The following TIMM50 variants were observed in gnomAD, a reference collection of about 807,000 sequenced individuals.
TIMM50 encodes the protein mitochondrial import inner membrane translocase subunit TIM50.
A neutral mutation model predicts 49.6 loss-of-function variants in TIMM50; 34 were observed. The ratio of observed to expected loss-of-function variants is 0.69; its 90% CI spans 0.52 to 0.91. The LOEUF (loss-of-function observed/expected upper bound fraction) is 0.91, where lower values mean the gene tolerates loss of function less well. Ranked by LOEUF, TIMM50 falls within the 40% of genes least tolerant of loss-of-function variation. The probability of loss-of-function intolerance (pLI) is 0.00; values close to 1 mark genes in which losing one functional copy is unlikely to be tolerated. For synonymous variants in TIMM50, 199 were observed against 198.4 expected (o/e 1.00, Z -0.03); for missense variants, 458 against 477.8 (o/e 0.96, Z 0.39).
In TIMM50 at chr19:39,492,944, C is replaced by T. The variant is rs2079558166; in HGVS notation, c.*3124C>T. 1 of 150,766 alleles carries T rather than the reference C, an allele frequency of 6.6e-6. No homozygotes were observed. Among genetic ancestry groups the T allele is most frequent in the Non-Finnish European group, 1.5e-5 (1 of 67,820 alleles). 9.3% of individuals were successfully genotyped at this position (150,766 alleles called of 1,614,324 possible). On this transcript the variant is annotated 3_prime_UTR_variant, in exon 11 of 11. Transcript: ENST00000607714. ...CTCCCTCGCCCTGCCTCCATCCCCA[C>T]ATTGCCCCCCACTATCCCAGTCTCT...
chr19:39,492,888 A>AAAAAAC lies in TIMM50; in HGVS notation c.*3072_*3073insACAAAA, dbSNP rs1568445572. On this transcript the variant is annotated 3_prime_UTR_variant, in exon 11 of 11. Coordinates refer to ENST00000607714, the MANE Select transcript of TIMM50 (RefSeq NM_001001563.5). ...TCTGTCTCCAAAAAAAAAAAAAAAA[A>AAAAAAC]AAAACAAAAAAAAAACCAGTTTGAC... 1 of 145,166 alleles carries AAAAAAC rather than the reference A, an allele frequency of 6.9e-6. No homozygotes were observed. The highest frequency in any genetic ancestry group is 1.5e-5 in the Non-Finnish European group (1 of 67,278). 9.0% of individuals were successfully genotyped at this position (145,166 alleles called of 1,614,324 possible).
chr19:39,485,939 C>A, intron 6 of TIMM50, 132 bp downstream of exon 6: 1 of 1,387,104 alleles, frequency 7.2e-7, no homozygotes. Context: ...TCGCTTTCTT[C>A]AGCTGGGAGA....
intron 4 of TIMM50, among the ~76,000 whole-genome samples, chr19:39,483,711 C>T (rs2079487080): frequency 6.6e-6 from 1 of 152,178 alleles, no homozygotes. Context: ...CATGTTAATA[C>T]ATTGATTGTT....
intron 1 of TIMM50, chr19:39,481,423 C>G: frequency 8.5e-6 from 2 of 234,404 alleles, no homozygotes; most frequent in East Asian, 2.3e-4. Context: ...AAGCCCCAGA[C>G]AAGTGATTGC....
chr19:39,492,752 TC>T lies in TIMM50; in HGVS notation c.*2935del, dbSNP rs1186538108. On this transcript the variant is annotated 3_prime_UTR_variant, in exon 11 of 11. Coordinates refer to ENST00000607714, the MANE Select transcript of TIMM50 (RefSeq NM_001001563.5). ...TGGGCATGGTGGTGGGTGCCTGTAA[TC>T]CCAGCTACTTGGGAGGCTGAGGCAG... 1 of 150,244 alleles carries T rather than the reference TC, an allele frequency of 6.7e-6. No homozygotes were observed. Among genetic ancestry groups the T allele is most frequent in the East Asian group, 2.0e-4 (1 of 5,104 alleles). 9.3% of individuals were successfully genotyped at this position (150,244 alleles called of 1,614,324 possible).
chr19:39,489,908 A>G lies in TIMM50; in HGVS notation c.*88A>G. On this transcript the variant is annotated 3_prime_UTR_variant, in exon 11 of 11. Transcript: ENST00000607714. ...TGGGCCACCACTTGTCCAATAAAGT[A>G]CATCCCAGACGCCACACCTGCTGTG... The G allele has an allele frequency of 8.1e-7, 1 of 1,242,216 alleles. No homozygotes were observed. Among genetic ancestry groups the G allele is most frequent in the Non-Finnish European group, 1.2e-6 (1 of 868,100 alleles). 76.9% of individuals were successfully genotyped at this position (1,242,216 alleles called of 1,614,324 possible).
At chr19:39,483,595 A>C in intron 4 of TIMM50, 1 of 170,768 alleles carries the variant, frequency 5.9e-6, no homozygotes, top group Non-Finnish European at 1.2e-5. Flanking sequence ...ATTGGATAGT[A>C]GAGAGTAGCT....
chr19:39,485,458 A>G, intron 4 of TIMM50, 86 bp from the exon 5 acceptor site: 4 of 1,533,916 alleles, frequency 2.6e-6, no homozygotes, highest in Non-Finnish European at 3.6e-6. Flanking sequence ...ACCTGTTTGT[A>G]TCTGGTAGAT....
chr19:39,486,458 G>A lies in TIMM50; in HGVS notation c.659G>A (p.Arg220Gln), dbSNP rs753593531. Residue 220 changes from arginine to glutamine, a missense_variant, in exon 8 of 11, where the codon CGG (arginine) becomes CAG (glutamine). Arg to Gln is a conservative substitution (Grantham distance 43). Transcript: ENST00000607714. ...GGCTTCATCTCCTACCGCCTATTCC[G>A]GGACGCCACAAGATACATGGATGGA... is the stretch of plus-strand genomic sequence containing the variant. ...PHGFISYRLF[R>Q]DATRYMDGHH... 4.3e-6 allele frequency: 7 copies of A among 1,614,114 alleles called. No homozygotes were observed. The highest frequency in any genetic ancestry group is 5.9e-6 in the Non-Finnish European group (7 of 1,180,030).
chr19:39,486,255 A>C lies in TIMM50; in HGVS notation c.561A>C (p.Leu187Phe). 1 of 1,614,076 alleles carries C rather than the reference A, an allele frequency of 6.2e-7. No individual in the cohort carries two copies. Among genetic ancestry groups the C allele is most frequent in the South Asian group, 1.1e-5 (1 of 91,074 alleles). The change falls in exon 7 of 11, where the codon TTA (leucine) becomes TTC (phenylalanine). Residue 187 changes from leucine to phenylalanine, a missense_variant. By Grantham distance (22) the Leu-to-Phe change is conservative (BLOSUM62 0). Transcript: ENST00000607714. ...CCTTGTTCCAGCAGCTTGCCCCTTT[A>C]TATGAAATTGTCATCTTTACGTCAG... ...IETLFQQLAP[L>F]YEIVIFTSET... is the part of the protein sequence containing the mutation.
At chr19:39,486,567 C>A in intron 8 of TIMM50, 72 bp downstream of exon 8, 1 of 1,372,254 alleles carries the variant, frequency 7.3e-7, no homozygotes. Context: ...GAGGGCCCAG[C>A]TCTGACCCTA....
intron 4 of TIMM50, 29 bp from the exon 5 acceptor site, chr19:39,485,515 G>T (rs1244829424): frequency 6.2e-7 from 1 of 1,614,044 alleles, no homozygotes; most frequent in Admixed American, 1.7e-5. Flanking sequence ...GCTTATTGTG[G>T]AATCTCTTTG....
At chr19:39,482,121 CTCTCG>C in intron 2 of TIMM50, 88 bp downstream of exon 2, 1 of 1,518,400 alleles carries the variant, frequency 6.6e-7, no homozygotes, top group Non-Finnish European at 9.0e-7. Flanking sequence ...CTACCAGCTT[CTCTCG>C]TCTTCATTCC....
chr19:39,488,468 G>A (rs1219346661), intron 9 of TIMM50, 71 bp from the exon 10 acceptor site: 16 of 1,444,968 alleles, frequency 1.1e-5, no homozygotes, highest in Middle Eastern at 2.4e-4. Context: ...AGTGCGGGAC[G>A]TTCCCCTCAT....
chr19:39,483,262 T>TG (rs1488674713), intron 4 of TIMM50, 106 bp downstream of exon 4: 8 of 1,432,750 alleles, frequency 5.6e-6, no homozygotes, highest in Non-Finnish European at 7.8e-6. Flanking sequence ...CTCCTTCCAC[T>TG]GGGGAGGTGG....
At chr19:39,485,242 G>A (rs1340544214) in intron 4 of TIMM50, 4 of 413,934 alleles carry the variant, frequency 9.7e-6, no homozygotes, top group South Asian at 2.2e-5. Flanking sequence ...GATTACAGGC[G>A]TGAGCCACCG....
chr19:39,482,889 C>T lies in TIMM50; in HGVS notation c.264C>T (p.Asn88=). 1 of 1,614,126 alleles carries T rather than the reference C, an allele frequency of 6.2e-7. No individual in the cohort carries two copies. The highest frequency in any genetic ancestry group is 8.5e-7 in the Non-Finnish European group (1 of 1,180,008). The change falls in exon 3 of 11, where the codon AAC becomes AAT. Residue 88 remains asparagine (N), a synonymous_variant. Transcript: ENST00000607714. ...TCATCCTGGTCTCCCTTGCAGGAAA[C>T]AACCCGGTGGACGAAAATGGTGCCA... ...GTVSVVYIFG[N]NPVDENGAKI...
intron 4 of TIMM50, chr19:39,483,432 T>C: frequency 2.0e-6 from 1 of 510,436 alleles, no homozygotes; most frequent in Non-Finnish European, 3.5e-6. Flanking sequence ...TCCAGACACA[T>C]GGGTTCCTGT....
At position 39,491,726 on chromosome 19, in the gene TIMM50, G is replaced by T. The variant is rs996422969; in HGVS notation, c.*1906G>T. ...AGTCCCAGCTACGTGAGAGGCTGAG[G>T]TGGGAGGAATCCCTTGAGCCAAGGA... On this transcript the variant is annotated 3_prime_UTR_variant, in exon 11 of 11. Transcript: ENST00000607714. 1 of 151,120 alleles carries T rather than the reference G, an allele frequency of 6.6e-6. No homozygotes were observed. Among genetic ancestry groups the T allele is most frequent in the East Asian group, 2.0e-4 (1 of 5,012 alleles). The allele number at this position is 151,120 out of a possible 1,614,324, so 9.4% of individuals were successfully genotyped here.
Sources: gnomAD v4.1 joint callset for allele counts (sites outside exome capture counted in the v4.1 genomes callset) on GRCh38, gnomAD v4.1.1 for gene constraint, MANE v1.5 for transcripts, NCBI Gene and HGNC (gene_info 2026-07-23, HGNC 2026-07-21) for gene names.